Variants in ERC2 observed in about 807,000 individuals in gnomAD.
The protein encoded by ERC2 is ERC protein 2.
In ERC2, 42 loss-of-function variants were observed where a neutral mutation model predicts 114.8. That is an observed-to-expected ratio of 0.37 (90% confidence interval 0.29 to 0.47). The LOEUF is 0.47. Ranked by LOEUF, ERC2 falls within the 20% of genes least tolerant of loss-of-function variation. The pLI, the probability that ERC2 is intolerant of heterozygous loss-of-function variation, is 0.99. For synonymous variants in ERC2, 454 were observed against 425.5 expected (o/e 1.07, Z -0.82); for missense variants, 939 against 1,150.7 (o/e 0.82, Z 2.66).
At chr3:56,003,905 G>A (rs2072271452) in intron 10 of ERC2, among the ~76,000 whole-genome samples, 2 of 151,952 alleles carry the variant, frequency 1.3e-5, no homozygotes, top group African/African-American at 4.8e-5. Context: ...ATTTTAAACT[G>A]CACTCTCAAC....
intron 6 of ERC2, among the ~76,000 whole-genome samples, chr3:56,104,112 G>A (rs192283258): frequency 2.0e-4 from 30 of 152,030 alleles, no homozygotes; most frequent in Non-Finnish European, 3.1e-4. Context: ...CATCTTTGTC[G>A]CTATGACTTA....
intron 14 of ERC2, among the ~76,000 whole-genome samples, chr3:55,871,066 C>T (rs559091753): frequency 6.6e-6 from 1 of 152,320 alleles, no homozygotes; most frequent in South Asian, 2.1e-4. Context: ...TCCCTGGTTA[C>T]CTAATTGAGG....
At chr3:55,861,152 C>G (rs1436772673) in intron 14 of ERC2, among the ~76,000 whole-genome samples, 1 of 152,212 alleles carries the variant, frequency 6.6e-6, no homozygotes, top group African/African-American at 2.4e-5. Flanking sequence ...CTAACTAGAT[C>G]AAAAGTTGCT....
At chr3:55,780,270 T>G (rs1273979520) in intron 14 of ERC2, among the ~76,000 whole-genome samples, 1 of 152,182 alleles carries the variant, frequency 6.6e-6, no homozygotes, top group African/African-American at 2.4e-5. Context: ...GATAATCTAT[T>G]CAGAAAGTAC....
At chr3:56,259,247 C>T (rs926862842) in intron 3 of ERC2, among the ~76,000 whole-genome samples, 5 of 152,180 alleles carry the variant, frequency 3.3e-5, no homozygotes, top group African/African-American at 1.2e-4. Context: ...TCTGGGATTA[C>T]AGGAGTGAGC....
At chr3:55,662,390 A>G (rs2061176464) in intron 17 of ERC2, among the ~76,000 whole-genome samples, 1 of 152,250 alleles carries the variant, frequency 6.6e-6, no homozygotes, top group Non-Finnish European at 1.5e-5. Context: ...TTCTGTCGCT[A>G]TTAGAAAATA....
At chr3:56,460,571 G>A (rs1182524667) in intron 1 of ERC2, among the ~76,000 whole-genome samples, 2 of 152,188 alleles carry the variant, frequency 1.3e-5, no homozygotes, top group Non-Finnish European at 2.9e-5. Context: ...ACCTAGCACA[G>A]TGCCTACCAC....
At chr3:56,016,240 G>A (rs940368864) in intron 8 of ERC2, among the ~76,000 whole-genome samples, 4 of 151,922 alleles carry the variant, frequency 2.6e-5, no homozygotes, top group African/African-American at 4.8e-5. Flanking sequence ...TTTTGCTTTT[G>A]TTGCAATTGC....
intron 17 of ERC2, among the ~76,000 whole-genome samples, chr3:55,594,919 C>A (rs973323325): frequency 6.6e-6 from 1 of 152,170 alleles, no homozygotes; most frequent in Non-Finnish European, 1.5e-5. Context: ...AACACTCTTA[C>A]CACTACCCTC....
At chr3:55,949,046 G>C (rs1290181734) in intron 13 of ERC2, among the ~76,000 whole-genome samples, 2 of 152,212 alleles carry the variant, frequency 1.3e-5, no homozygotes, top group South Asian at 4.1e-4. Context: ...ATAGCAAGGT[G>C]AGCCCTAAGG....
Position 56,270,179 on chromosome 3 carries a change from AAAG to A in ERC2, c.1074+25837_1074+25839del, listed in dbSNP as rs896039620. Among the ~76,000 whole-genome samples, 15 of 119,898 alleles carry A rather than the reference AAAG, an allele frequency of 1.3e-4. No individual in the cohort carries two copies. In the East Asian group the frequency reaches 2.4e-3, roughly 19 times the overall value. 78.7% of individuals were successfully genotyped at this position (119,898 alleles called of 152,430 possible). A position where few individuals can be genotyped will look rare whatever the true frequency, so the allele number is the denominator to read the frequency against. ...GGGCACAAGAGCACCTAAAAAAAAA[AAAG>A]AAAGAAAAACAACAAATCATTCTAA... On this transcript the variant is annotated intron_variant, in intron 3 of 17. Transcript: ENST00000288221.
chr3:55,545,805 T>G (rs2054704733), intron 17 of ERC2, among the ~76,000 whole-genome samples: 1 of 152,056 alleles, frequency 6.6e-6, no homozygotes, highest in Non-Finnish European at 1.5e-5. Flanking sequence ...GCCAGGGTTG[T>G]GAGTTCTTGG....
chr3:55,552,283 G>A (rs1309704562), intron 17 of ERC2, among the ~76,000 whole-genome samples: 3 of 152,282 alleles, frequency 2.0e-5, no homozygotes, highest in South Asian at 4.1e-4. Flanking sequence ...GTTGGGGGCA[G>A]GGAAAAAGAC....
At chr3:56,267,162 T>C (rs764996433) in intron 3 of ERC2, among the ~76,000 whole-genome samples, 18 of 152,208 alleles carry the variant, frequency 1.2e-4, no homozygotes, top group Non-Finnish European at 2.4e-4. Flanking sequence ...AATTAGTTTT[T>C]CCTTTGAACA....
chr3:56,119,895 A>G (rs2079474638), intron 6 of ERC2, among the ~76,000 whole-genome samples: 2 of 152,182 alleles, frequency 1.3e-5, no homozygotes, highest in South Asian at 2.1e-4. Flanking sequence ...AGAATACCCC[A>G]CTGCCTCCCA....
intron 17 of ERC2, among the ~76,000 whole-genome samples, chr3:55,544,173 G>A (rs1235204349): frequency 6.6e-6 from 1 of 152,134 alleles, no homozygotes; most frequent in African/African-American, 2.4e-5. Flanking sequence ...CCCTCTTCAA[G>A]CACCTAAGTC....
Position 56,276,459 on chromosome 3 carries a change from TA to T in ERC2, c.1074+19559del, listed in dbSNP as rs766683320. On this transcript the variant is annotated intron_variant, in intron 3 of 17. Transcript: ENST00000288221. ...CATCCATTCAACTCCCAAACTCAGC[TA>T]AAAAAAAAAAAAAAAAACAAACTCA... Among the ~76,000 whole-genome samples, 410 of 82,910 alleles carry T rather than the reference TA, an allele frequency of 4.9e-3. 4 individuals carry two copies. The highest frequency in any genetic ancestry group is 0.022 in the Middle Eastern group (3 of 138). The allele number at this position is 82,910 out of a possible 152,430, so 54.4% of individuals were successfully genotyped here.
chr3:55,540,576 C>T (rs991158341), intron 17 of ERC2, among the ~76,000 whole-genome samples: 2 of 152,122 alleles, frequency 1.3e-5, no homozygotes, highest in African/African-American at 4.8e-5. Flanking sequence ...CAGGATGGTG[C>T]CTTCTTGTCC....
At chr3:55,826,074 C>T (rs930424764) in intron 14 of ERC2, among the ~76,000 whole-genome samples, 2 of 152,106 alleles carry the variant, frequency 1.3e-5, no homozygotes, top group African/African-American at 4.8e-5. Flanking sequence ...CATATTGCTA[C>T]AAAAACCGCA....
Sources: gnomAD v4.1 joint callset for allele counts (sites outside exome capture counted in the v4.1 genomes callset) on GRCh38, gnomAD v4.1.1 for gene constraint, MANE v1.5 for transcripts, NCBI Gene and HGNC (gene_info 2026-07-23, HGNC 2026-07-21) for gene names.